The following DOCK9 variants were observed in gnomAD, a reference collection of about 807,000 sequenced individuals.
The protein encoded by DOCK9 is dedicator of cytokinesis protein 9.
Under a neutral mutation model 263.3 loss-of-function variants are expected in DOCK9, and 89 were observed. The ratio of observed to expected loss-of-function variants is 0.34; its 90% CI spans 0.28 to 0.40. DOCK9 has a LOEUF of 0.40. Ranked by LOEUF, DOCK9 falls within the 10% of genes least tolerant of loss-of-function variation. DOCK9 has a pLI of 1.00. For synonymous variants in DOCK9, 976 were observed against 973.1 expected, an observed-to-expected ratio of 1.00 and a Z score of -0.06; for missense variants, 2,140 against 2,603.4, an observed-to-expected ratio of 0.82 and a Z score of 3.87.
chr13:98,955,449 A>G lies in DOCK9; in HGVS notation c.229T>C (p.Tyr77His). ...ACGTTACTTACCTGAAAGTCATCGT[A>G]AGGGAAGAGCAGCATCTCCCGTAAA... ...DCLREMLLFP[Y>H]DDFQTAILRR... is the part of the protein sequence containing the mutation. The change falls in exon 2 of 53, where the codon TAC (tyrosine) becomes CAC (histidine). Residue 77 changes from tyrosine to histidine, a missense_variant. Physicochemically the swap from Tyr to His is moderately conservative, Grantham distance 83. Coordinates refer to ENST00000682017, the MANE Select transcript of DOCK9 (RefSeq NM_001366683.2). 1 of 1,588,566 alleles carries G rather than the reference A, an allele frequency of 6.3e-7. No individual in the cohort carries two copies. Among genetic ancestry groups the G allele is most frequent in the South Asian group, 1.1e-5 (1 of 86,968 alleles).
intron 1 of DOCK9, among the ~76,000 whole-genome samples, chr13:99,031,803 G>A (rs1200684038): frequency 2.0e-5 from 3 of 152,214 alleles, no homozygotes; most frequent in Non-Finnish European, 4.4e-5. Context: ...CATGGAAGAT[G>A]AGGAATTATT....
chr13:98,935,257 T>C (rs369820365), intron 2 of DOCK9, among the ~76,000 whole-genome samples: 16 of 152,292 alleles, frequency 1.1e-4, no homozygotes, highest in African/African-American at 3.9e-4. Flanking sequence ...TAAGATATAA[T>C]GAATGAGATT....
chr13:98,990,691 T>C (rs1879600721), intron 1 of DOCK9, among the ~76,000 whole-genome samples: 1 of 152,106 alleles, frequency 6.6e-6, no homozygotes, highest in Non-Finnish European at 1.5e-5. Context: ...GGACAGACAA[T>C]CCCATGGTCA....
intron 1 of DOCK9, among the ~76,000 whole-genome samples, chr13:98,974,174 G>A (rs946416373): frequency 3.3e-5 from 5 of 151,992 alleles, no homozygotes; most frequent in Non-Finnish European, 7.4e-5. Context: ...GGGGGGTGGC[G>A]GGTAGGGGGT....
intron 9 of DOCK9, among the ~76,000 whole-genome samples, chr13:98,908,726 T>C (rs1397590316): frequency 2.0e-5 from 3 of 152,170 alleles, no homozygotes; most frequent in Admixed American, 6.5e-5. Flanking sequence ...GAAAGGGGAA[T>C]TGCAACCGGT....
At chr13:98,975,414 G>A (rs1216726760) in intron 1 of DOCK9, among the ~76,000 whole-genome samples, 2 of 149,856 alleles carry the variant, frequency 1.3e-5, no homozygotes, top group African/African-American at 2.5e-5. Context: ...TGTTACTGAC[G>A]TGTTCTGGGA....
chr13:98,863,567 C>G lies in DOCK9; in HGVS notation c.3287-19G>C. ...TGGAGGTCTGAAATGAGGATAGAAACTACTTGAGTTAGGAAAGATGCAATG... is the reference window on the plus strand; with the variant it reads ...TGGAGGTCTGAAATGAGGATAGAAAGTACTTGAGTTAGGAAAGATGCAATG... On this transcript the variant is annotated intron_variant, in intron 30 of 52. Transcript: ENST00000682017. The G allele has an allele frequency of 6.3e-7, 1 of 1,585,000 alleles. No homozygotes were observed. Among genetic ancestry groups the G allele is most frequent in the Non-Finnish European group, 8.6e-7 (1 of 1,162,182 alleles).
intron 39 of DOCK9, among the ~76,000 whole-genome samples, chr13:98,836,479 T>C (rs1220056625): frequency 6.6e-6 from 1 of 151,874 alleles, no homozygotes; most frequent in Non-Finnish European, 1.5e-5. Context: ...GTCTGGGGAG[T>C]GGCCCAAGGA....
chr13:98,901,905 G>A lies in DOCK9; in HGVS notation c.1381-5C>T. The A allele has an allele frequency of 6.2e-7, 1 of 1,610,822 alleles. No homozygotes were observed. The highest frequency in any genetic ancestry group is 1.1e-5 in the South Asian group (1 of 90,068). On this transcript the variant is annotated splice_region_variant and splice_polypyrimidine_tract_variant and intron_variant, in intron 12 of 52. Transcript: ENST00000682017. Reference sequence around the variant, plus strand: ...ACAAGTGACTGAAAATATTCCCTAGGAGGCAAACAATTTTCTTCAGTAAGC... The same window carrying A: ...ACAAGTGACTGAAAATATTCCCTAGAAGGCAAACAATTTTCTTCAGTAAGC...
rs142764908 is a variant in DOCK9 at position 99,082,080 on chromosome 13, G to A, written c.129+4143C>T. Among the ~76,000 whole-genome samples, 801 of 152,130 alleles carry A rather than the reference G, an allele frequency of 5.3e-3. 3 individuals carry two copies. Among genetic ancestry groups the A allele is most frequent in the Non-Finnish European group, 7.7e-3 (526 of 67,988 alleles). On this transcript the variant is annotated intron_variant, in intron 1 of 32. Transcript: ENST00000427887. Reference sequence around the variant, plus strand: ...AAAAAAATACAAAAATTAGCTAGGCGTGGTGGTGCATGCCTGTAATCCCAG... The same window carrying A: ...AAAAAAATACAAAAATTAGCTAGGCATGGTGGTGCATGCCTGTAATCCCAG...
intron 1 of DOCK9, among the ~76,000 whole-genome samples, chr13:99,052,974 GGTA>G (rs1162740975): frequency 2.6e-5 from 4 of 152,026 alleles, no homozygotes; most frequent in Middle Eastern, 3.2e-3. Flanking sequence ...AATTTCTAAT[GGTA>G]GGTTTTTCAG....
At position 98,915,501 on chromosome 13, in the gene DOCK9, G is replaced by A. The variant is rs1163022143; in HGVS notation, c.720C>T (p.Asn240=). Residue 240 remains asparagine, a splice_region_variant and synonymous_variant, in exon 8 of 53, where the codon AAC becomes AAT. Coordinates refer to ENST00000682017, the MANE Select transcript of DOCK9 (RefSeq NM_001366683.2). ...FLDSCMGVVQ[N]NKVRRFAFEL... is the part of the protein sequence containing the mutation. Reference sequence around the variant, plus strand: ...CAAAAGCAAAACGCCTGACTTTGTTGTTCTGAAATGAAAAAAGGATAAACA... The same window carrying A: ...CAAAAGCAAAACGCCTGACTTTGTTATTCTGAAATGAAAAAAGGATAAACA... 1 of 1,608,144 alleles carries A rather than the reference G, an allele frequency of 6.2e-7. No individual in the cohort carries two copies. Among genetic ancestry groups the A allele is most frequent in the Non-Finnish European group, 8.5e-7 (1 of 1,178,184 alleles).
rs1336812640 is a variant in DOCK9, at chr13:98,870,252, G to A, written c.2944-1875C>T. Among the ~76,000 whole-genome samples the A allele has an allele frequency of 5.9e-5, 9 of 152,088 alleles. No individual in the cohort carries two copies. The East Asian group carries it at 1.5e-3, about 26-fold the overall frequency. On this transcript the variant is annotated intron_variant, in intron 27 of 52. Coordinates refer to ENST00000682017, the MANE Select transcript of DOCK9 (RefSeq NM_001366683.2). ...CAATTTCAATTCTCAAACCAATAAC[G>A]AGGAAATGTTTATAACCTTACATAG...
At chr13:98,927,524 G>C (rs1428731027) in intron 3 of DOCK9, among the ~76,000 whole-genome samples, 8 of 152,082 alleles carry the variant, frequency 5.3e-5, no homozygotes, top group South Asian at 4.1e-4. Flanking sequence ...AAACTATTCT[G>C]AAGTATAAAA....
At chr13:99,009,605 C>T (rs567417947) in intron 1 of DOCK9, among the ~76,000 whole-genome samples, 61 of 152,180 alleles carry the variant, frequency 4.0e-4, no homozygotes, top group African/African-American at 1.4e-3. Flanking sequence ...ATTATTATTC[C>T]ATTTTCACAT....
chr13:98,923,303 T>A lies in DOCK9; in HGVS notation c.485A>T (p.Glu162Val). 6.2e-7 allele frequency: 1 copy of A among 1,613,312 alleles called. No homozygotes were observed. Among genetic ancestry groups the A allele is most frequent in the Non-Finnish European group, 8.5e-7 (1 of 1,179,272 alleles). ...YEVDEEVDKD[E>V]DAASLGSQKG... is the part of the protein sequence containing the mutation. ...AGCAACAGCAAGCAGGTATCCCACCTCATCTTTGTCGACCTCCTCGTCAAC... is the reference window on the plus strand; with the variant it reads ...AGCAACAGCAAGCAGGTATCCCACCACATCTTTGTCGACCTCCTCGTCAAC... The change falls in exon 5 of 53, where the codon GAG becomes GTG. Residue 162 changes from glutamate to valine, a missense_variant and splice_region_variant. By Grantham distance (121) the Glu-to-Val change is moderately radical. This residue lies in a region of DOCK9 where 1,521 missense variants were observed against 1,741.7 expected (regional missense o/e 0.87). Transcript: ENST00000682017.
chr13:98,950,006 T>C (rs1340301874), intron 2 of DOCK9: 10 of 491,480 alleles, frequency 2.0e-5, no homozygotes, highest in Non-Finnish European at 3.9e-5. Context: ...AAATGAGTTC[T>C]TGGACAGACT....
chr13:98,962,796 G>C (rs1187017412), intron 1 of DOCK9, among the ~76,000 whole-genome samples: 3 of 152,086 alleles, frequency 2.0e-5, no homozygotes, highest in African/African-American at 7.2e-5. Flanking sequence ...GAACCCAAAG[G>C]AAACAGACAG....
rs765522851 is a variant in DOCK9 at position 98,809,401 on chromosome 13, G to A, written c.5318C>T (p.Ser1773Leu). ...GTAGGTCCCCAGAAGCCTGCGGCCC[G>A]AGTGCATGACCTCGGTCACTTTGCT... Reference protein sequence around the residue: ...AYSKVTEVMHSGRRLLGTYFR... With the variant: ...AYSKVTEVMHLGRRLLGTYFR... Residue 1773 changes from serine to leucine, a missense_variant, in exon 47 of 53, where the codon TCG becomes TTG. Transcript: ENST00000682017. 4.3e-6 allele frequency: 7 copies of A among 1,613,810 alleles called. No individual in the cohort carries two copies. The highest frequency in any genetic ancestry group is 2.2e-5 in the East Asian group (1 of 44,884).
Sources: gnomAD v4.1 joint callset for allele counts (sites outside exome capture counted in the v4.1 genomes callset) on GRCh38, gnomAD v4.1.1 for gene constraint, gnomAD v4.1.1 regional missense constraint, MANE v1.5 for transcripts, NCBI Gene and HGNC (gene_info 2026-07-23, HGNC 2026-07-21) for gene names.